Variants in FBXL13 observed in about 807,000 individuals in gnomAD.
FBXL13 encodes the protein F-box and leucine rich repeat protein 13.
A neutral mutation model predicts 83.6 loss-of-function variants in FBXL13; 67 were observed. The observed-to-expected ratio is 0.80, with a 90% CI of 0.66 to 0.98. FBXL13 has a LOEUF of 0.98. Ranked by LOEUF, FBXL13 falls within the 50% of genes least tolerant of loss-of-function variation. FBXL13 has a pLI of 0.00. For missense variants in FBXL13, 822 were observed against 866.5 expected (o/e 0.95, Z 0.64); for synonymous variants, 272 against 299.5 (o/e 0.91, Z 0.95).
At chr7:102,882,538 G>C (rs1810241390) in intron 14 of FBXL13, among the ~76,000 whole-genome samples, 1 of 152,114 alleles carries the variant, frequency 6.6e-6, no homozygotes, top group Admixed American at 6.5e-5. Flanking sequence ...GAGGCAGGTG[G>C]ATCACTTGAG....
At chr7:103,010,917 A>T (rs555424160) in intron 6 of FBXL13, among the ~76,000 whole-genome samples, 1 of 152,334 alleles carries the variant, frequency 6.6e-6, no homozygotes, top group Admixed American at 6.5e-5. Context: ...TGGAGAGAGT[A>T]ATCGGAGGTG....
intron 2 of FBXL13, among the ~76,000 whole-genome samples, chr7:103,051,350 C>T (rs958235692): frequency 6.6e-6 from 1 of 152,188 alleles, no homozygotes. Flanking sequence ...CAGATCAAAT[C>T]CATTCCTGGA....
intron 8 of FBXL13, chr7:102,944,896 T>A (rs1218377969): frequency 3.8e-6 from 1 of 263,698 alleles, no homozygotes; most frequent in Admixed American, 5.3e-5. Context: ...ATGTCCTGTA[T>A]AAATGTTTTT....
intron 6 of FBXL13, among the ~76,000 whole-genome samples, chr7:103,017,609 T>C (rs1792523601): frequency 6.6e-6 from 1 of 152,066 alleles, no homozygotes; most frequent in South Asian, 2.1e-4. Flanking sequence ...CTAGAATAAC[T>C]AGTGTAGAGA....
chr7:102,925,855 C>T (rs1818013915), intron 10 of FBXL13, among the ~76,000 whole-genome samples: 1 of 150,804 alleles, frequency 6.6e-6, no homozygotes. Context: ...GCATGAGAAT[C>T]GCTTGGACCC....
chr7:102,913,424 AT>A, intron 10 of FBXL13, among the ~76,000 whole-genome samples: 1 of 152,256 alleles, frequency 6.6e-6, no homozygotes, highest in Non-Finnish European at 1.5e-5. Context: ...ATACCTTGTA[AT>A]ACATTTCAAG....
intron 1 of FBXL13, among the ~76,000 whole-genome samples, chr7:103,067,665 C>T (rs973506950): frequency 6.6e-6 from 1 of 152,196 alleles, no homozygotes; most frequent in African/African-American, 2.4e-5. Flanking sequence ...GCATCAACTG[C>T]CAGGCATGTA....
intron 6 of FBXL13, chr7:102,973,682 A>G (rs1479719461): frequency 5.2e-6 from 4 of 766,298 alleles, no homozygotes; most frequent in Admixed American, 3.4e-5. Flanking sequence ...TCCGCCCCAG[A>G]AAGCAGGCCA....
intron 6 of FBXL13, among the ~76,000 whole-genome samples, chr7:102,987,288 A>G (rs898395843): frequency 2.6e-5 from 4 of 152,214 alleles, no homozygotes; most frequent in Admixed American, 6.5e-5. Flanking sequence ...TTGTACACCT[A>G]AAGTTATTGA....
rs71106700 is a variant in FBXL13 at position 102,935,242 on chromosome 7, C to CT, written c.725-3310dup. Among the ~76,000 whole-genome samples the CT allele has an allele frequency of 1.5e-3, 112 of 76,420 alleles. 8 individuals are homozygous for CT. The highest frequency in any genetic ancestry group is 5.9e-3 in the African/African-American group (103 of 17,344). 50.1% of individuals were successfully genotyped at this position (76,420 alleles called of 152,430 possible). A position where few individuals can be genotyped will look rare whatever the true frequency, so the allele number is the denominator to read the frequency against. ...CTCATGCTCCTTTTTTTTTTTCTTT[C>CT]TTTTTTTTTTTTTTTTTTTTTTTTT... is the stretch of plus-strand genomic sequence containing the variant. On this transcript the variant is annotated intron_variant, in intron 8 of 19. Transcript: ENST00000313221.
At chr7:103,005,916 T>A (rs1211812674) in intron 6 of FBXL13, among the ~76,000 whole-genome samples, 1 of 152,158 alleles carries the variant, frequency 6.6e-6, no homozygotes, top group East Asian at 1.9e-4. Flanking sequence ...TAAAGTTGGC[T>A]ACCATGCAAG....
At chr7:103,061,826 T>C (rs1488293896) in intron 1 of FBXL13, among the ~76,000 whole-genome samples, 2 of 150,772 alleles carry the variant, frequency 1.3e-5, no homozygotes, top group Admixed American at 6.6e-5. Flanking sequence ...TAGTCCCAGC[T>C]ACTCAGGAGG....
intron 11 of FBXL13, among the ~76,000 whole-genome samples, chr7:102,889,554 CTCCCCCAG>C (rs1811251149): frequency 6.6e-6 from 1 of 152,096 alleles, no homozygotes; most frequent in Non-Finnish European, 1.5e-5. Flanking sequence ...AATGCTATCC[CTCCCCCAG>C]TCCCCCACCC....
chr7:103,050,575 C>T (rs983983125), intron 2 of FBXL13, among the ~76,000 whole-genome samples: 8 of 152,024 alleles, frequency 5.3e-5, no homozygotes, highest in Non-Finnish European at 8.8e-5. Flanking sequence ...GGTCTCTGGG[C>T]AAGATGGTTG....
At position 102,971,594 on chromosome 7, in the gene FBXL13, C is replaced by CAA. The variant is rs11447254; in HGVS notation, c.496-3479_496-3478dup. On this transcript the variant is annotated intron_variant, in intron 6 of 19. Coordinates refer to ENST00000313221, the Ensembl canonical transcript of FBXL13. Reference sequence around the variant, plus strand: ...AGGCAATAAGAGCGAAACTCCGTCTCAAAAAAAAAAAAAAAAAGACATTTT... The same window carrying CAA: ...AGGCAATAAGAGCGAAACTCCGTCTCAAAAAAAAAAAAAAAAAAAGACATTTT... 4.4e-3 allele frequency among the ~76,000 whole-genome samples: 507 copies of CAA among 114,874 alleles called. 7 individuals carry two copies. Among genetic ancestry groups the CAA allele is most frequent in the South Asian group, 0.034 (108 of 3,222 alleles). The allele number at this position is 114,874 out of a possible 152,430, so 75.4% of individuals were successfully genotyped here. A position where few individuals can be genotyped will look rare whatever the true frequency, so the allele number is the denominator to read the frequency against.
intron 17 of FBXL13, among the ~76,000 whole-genome samples, chr7:102,844,203 C>T (rs539407336): frequency 6.0e-4 from 92 of 152,246 alleles, no homozygotes; most frequent in Admixed American, 1.4e-3. Flanking sequence ...TTATAATTAA[C>T]TTCAGAGTCA....
intron 11 of FBXL13, among the ~76,000 whole-genome samples, chr7:102,893,856 G>A (rs1811867979): frequency 6.7e-6 from 1 of 148,860 alleles, no homozygotes; most frequent in Admixed American, 6.7e-5. Flanking sequence ...CGAAGGGAGA[G>A]AAGAGAGGCG....
chr7:102,958,775 T>C (rs1184893349), intron 8 of FBXL13, among the ~76,000 whole-genome samples: 3 of 151,992 alleles, frequency 2.0e-5, no homozygotes, highest in Admixed American at 2.0e-4. Flanking sequence ...AGAATGGCCT[T>C]GGTGGATCAG....
chr7:102,876,691 G>T (rs1463615404), intron 16 of FBXL13, among the ~76,000 whole-genome samples: 1 of 152,128 alleles, frequency 6.6e-6, no homozygotes, highest in Non-Finnish European at 1.5e-5. Flanking sequence ...TCTCAGAGAA[G>T]GCCCTCATAG....
Sources: allele counts gnomAD v4.1 joint callset (sites outside exome capture counted in the v4.1 genomes callset), GRCh38; gene constraint gnomAD v4.1.1; transcripts MANE v1.5; gene names NCBI Gene and HGNC (gene_info 2026-07-23, HGNC 2026-07-21).